PTPRD: variants seen among roughly 807,000 people sequenced by gnomAD.
PTPRD encodes the protein protein tyrosine phosphatase receptor type D.
Under a neutral mutation model 214.5 loss-of-function variants are expected in PTPRD, and 34 were observed. The ratio of observed to expected loss-of-function variants is 0.16; its 90% confidence interval spans 0.12 to 0.21. The LOEUF is 0.21. Ranked by LOEUF, PTPRD falls within the 10% of genes least tolerant of loss-of-function variation. PTPRD has a pLI of 1.00. For missense variants in PTPRD, 2,545 were observed against 2,398.7 expected (o/e 1.06, Z -1.27); for synonymous variants, 1,128 against 845.7 (o/e 1.33, Z -5.79).
At chr9:10,434,011 A>G (rs1050704245) in intron 2 of PTPRD, among the ~76,000 whole-genome samples, 2 of 151,900 alleles carry the variant, frequency 1.3e-5, no homozygotes, top group Non-Finnish European at 2.9e-5. Flanking sequence ...GATGAAAATT[A>G]TAAACAATTA....
chr9:9,065,448 T>C (rs577845472), intron 10 of PTPRD, among the ~76,000 whole-genome samples: 2 of 152,094 alleles, frequency 1.3e-5, no homozygotes, highest in Non-Finnish European at 2.9e-5. Flanking sequence ...AGGAGGTCAG[T>C]GTGGCTGCAG....
intron 3 of PTPRD, among the ~76,000 whole-genome samples, chr9:10,258,817 A>C (rs1202229233): frequency 6.6e-6 from 1 of 152,208 alleles, no homozygotes; most frequent in Non-Finnish European, 1.5e-5. Context: ...AGTAGGGGAA[A>C]CAACTGAATA....
At chr9:8,914,828 C>G (rs948705706) in intron 11 of PTPRD, among the ~76,000 whole-genome samples, 4 of 152,094 alleles carry the variant, frequency 2.6e-5, no homozygotes, top group African/African-American at 9.7e-5. Flanking sequence ...CAATAAAAAG[C>G]AGACTAACAT....
chr9:9,885,822 C>T (rs914992536), intron 5 of PTPRD, among the ~76,000 whole-genome samples: 1 of 151,804 alleles, frequency 6.6e-6, no homozygotes, highest in Middle Eastern at 3.4e-3. Flanking sequence ...TGCTTTGTGC[C>T]TGTAAATTTG....
chr9:8,501,858 A>C (rs1175977732), intron 23 of PTPRD, among the ~76,000 whole-genome samples: 2 of 152,196 alleles, frequency 1.3e-5, no homozygotes, highest in African/African-American at 4.8e-5. Flanking sequence ...TTCTTGAGAC[A>C]CCATTGCTAG....
chr9:9,190,784 T>C (rs778097819), intron 9 of PTPRD, among the ~76,000 whole-genome samples: 5 of 152,222 alleles, frequency 3.3e-5, no homozygotes, highest in East Asian at 1.9e-4. Flanking sequence ...AGTGGTGTGA[T>C]TGAGAAATAG....
intron 3 of PTPRD, among the ~76,000 whole-genome samples, chr9:10,195,351 G>A (rs1481526273): frequency 6.6e-6 from 1 of 152,048 alleles, no homozygotes; most frequent in African/African-American, 2.4e-5. Context: ...GCCCTCTTCT[G>A]TTTTGTTAGA....
intron 2 of PTPRD, among the ~76,000 whole-genome samples, chr9:10,432,046 CAAT>C (rs1286434708): frequency 1.3e-5 from 2 of 151,846 alleles, no homozygotes; most frequent in Non-Finnish European, 2.9e-5. Context: ...AAATGTCCAA[CAAT>C]GACAGACTGG....
At chr9:10,003,077 T>C (rs898903145) in intron 4 of PTPRD, among the ~76,000 whole-genome samples, 2 of 151,848 alleles carry the variant, frequency 1.3e-5, no homozygotes, top group Non-Finnish European at 3.0e-5. Flanking sequence ...AAAGGCACTA[T>C]GAAAGAGGTG....
chr9:10,020,009 T>A (rs2096814978), intron 4 of PTPRD, among the ~76,000 whole-genome samples: 1 of 152,208 alleles, frequency 6.6e-6, no homozygotes, highest in South Asian at 2.1e-4. Flanking sequence ...TTTATTACAA[T>A]GTTTGGCACA....
intron 10 of PTPRD, among the ~76,000 whole-genome samples, chr9:9,156,829 GGTAA>G (rs2099881581): frequency 6.6e-6 from 1 of 152,134 alleles, no homozygotes; most frequent in African/African-American, 2.4e-5. Context: ...CAATTTGGCT[GGTAA>G]GTGTTACTCA....
intron 10 of PTPRD, among the ~76,000 whole-genome samples, chr9:9,036,262 A>G (rs951047302): frequency 1.3e-5 from 2 of 152,014 alleles, no homozygotes; most frequent in African/African-American, 4.8e-5. Context: ...TTTCCAGAAC[A>G]TTTCCTAAAC....
chr9:9,342,973 A>G (rs1045788986), intron 9 of PTPRD, among the ~76,000 whole-genome samples: 4 of 152,128 alleles, frequency 2.6e-5, no homozygotes, highest in Admixed American at 2.6e-4. Context: ...ATGAGTGAGA[A>G]CATGTGGTGT....
intron 5 of PTPRD, among the ~76,000 whole-genome samples, chr9:9,852,512 G>T (rs12347862): frequency 6.6e-6 from 1 of 151,918 alleles, no homozygotes; most frequent in African/African-American, 2.4e-5. Context: ...AAAAGGTAAA[G>T]TGAGAAACCT....
chr9:8,732,706 CA>C (rs1033805192), intron 12 of PTPRD, among the ~76,000 whole-genome samples: 1 of 152,128 alleles, frequency 6.6e-6, no homozygotes, highest in Non-Finnish European at 1.5e-5. Context: ...TTATTCCTTT[CA>C]CTTCTCAAAA....
intron 3 of PTPRD, among the ~76,000 whole-genome samples, chr9:10,247,974 A>G (rs2092353476): frequency 6.6e-6 from 1 of 152,044 alleles, no homozygotes; most frequent in African/African-American, 2.4e-5. Flanking sequence ...TGCTGTTCTC[A>G]TGATAGTGAA....
chr9:10,572,790 C>G (rs1252410570), intron 2 of PTPRD, among the ~76,000 whole-genome samples: 1 of 152,136 alleles, frequency 6.6e-6, no homozygotes, highest in Non-Finnish European at 1.5e-5. Context: ...AACAACATCA[C>G]TTTTGGTGGA....
intron 3 of PTPRD, among the ~76,000 whole-genome samples, chr9:10,218,778 T>G (rs1201096540): frequency 6.6e-6 from 1 of 151,862 alleles, no homozygotes; most frequent in Admixed American, 6.6e-5. Context: ...TTTATAACAT[T>G]CTACGTGTTG....
intron 29 of PTPRD, among the ~76,000 whole-genome samples, chr9:8,484,609 G>C (rs113970433): frequency 8.3e-6 from 1 of 121,184 alleles, no homozygotes; most frequent in Non-Finnish European, 1.7e-5. Flanking sequence ...CACAAAGATA[G>C]ATATATACAT....
Sources: allele counts gnomAD v4.1 joint callset (sites outside exome capture counted in the v4.1 genomes callset), GRCh38; gene constraint gnomAD v4.1.1; transcripts MANE v1.5; gene names NCBI Gene and HGNC (gene_info 2026-07-23, HGNC 2026-07-21).